Variants in KCNQ5 observed in about 807,000 individuals in gnomAD.
KCNQ5 encodes the protein potassium voltage-gated channel subfamily KQT member 5.
A neutral mutation model predicts 98.2 loss-of-function variants in KCNQ5; 30 were observed. That is an observed-to-expected ratio of 0.31 (90% confidence interval 0.23 to 0.41). KCNQ5 has a LOEUF of 0.41. Among genes scored for constraint, KCNQ5 ranks in the 10% least tolerant of loss-of-function variants. The pLI is 1.00. For synonymous variants in KCNQ5, 458 were observed against 449.4 expected (o/e 1.02, Z -0.24); for missense variants, 835 against 1,182.5 (o/e 0.71, Z 4.31).
chr6:72,837,421 G>A (rs1030387659), intron 1 of KCNQ5, among the ~76,000 whole-genome samples: 31 of 152,004 alleles, frequency 2.0e-4, no homozygotes. Flanking sequence ...TTAATTCTGA[G>A]CTCTTCATTG....
At chr6:73,123,136 A>C (rs985146229) in intron 8 of KCNQ5, among the ~76,000 whole-genome samples, 16 of 151,312 alleles carry the variant, frequency 1.1e-4, no homozygotes, top group African/African-American at 3.9e-4. Context: ...AAAAAAAAAA[A>C]AAAGTTAGAA....
chr6:73,069,026 AT>A (rs1773192676), intron 3 of KCNQ5, among the ~76,000 whole-genome samples: 1 of 152,116 alleles, frequency 6.6e-6, no homozygotes, highest in Admixed American at 6.6e-5. Flanking sequence ...TTGACAATTC[AT>A]TTTTTTAAAC....
intron 2 of KCNQ5, among the ~76,000 whole-genome samples, chr6:73,036,928 A>C (rs1771459801): frequency 6.6e-6 from 1 of 152,336 alleles, no homozygotes; most frequent in African/African-American, 2.4e-5. Context: ...GACCATGCTC[A>C]GAAGGACCAT....
intron 1 of KCNQ5, among the ~76,000 whole-genome samples, chr6:72,928,995 A>G (rs1213413838): frequency 1.3e-5 from 2 of 152,086 alleles, no homozygotes; most frequent in South Asian, 2.1e-4. Flanking sequence ...GCTAGCTCCA[A>G]TTCCTTAAGT....
intron 1 of KCNQ5, among the ~76,000 whole-genome samples, chr6:72,817,660 G>T (rs945036850): frequency 6.6e-6 from 1 of 152,100 alleles, no homozygotes; most frequent in Non-Finnish European, 1.5e-5. Context: ...TTGGGAGGCG[G>T]AGGTGGGTGG....
intron 3 of KCNQ5, among the ~76,000 whole-genome samples, chr6:73,064,126 AAC>A (rs1305015695): frequency 1.3e-5 from 2 of 152,324 alleles, no homozygotes; most frequent in Admixed American, 6.5e-5. Context: ...ACATCCGAGT[AAC>A]ACAGTCTATT....
intron 1 of KCNQ5, among the ~76,000 whole-genome samples, chr6:72,739,159 T>C (rs1294669643): frequency 6.6e-6 from 1 of 152,114 alleles, no homozygotes; most frequent in East Asian, 1.9e-4. Flanking sequence ...CCACCGGGTA[T>C]ATGGGAGCGC....
At chr6:72,876,624 C>G (rs1778418222) in intron 1 of KCNQ5, among the ~76,000 whole-genome samples, 1 of 152,080 alleles carries the variant, frequency 6.6e-6, no homozygotes, top group African/African-American at 2.4e-5. Context: ...AAGCAGATAG[C>G]ACAAGTTAAA....
intron 1 of KCNQ5, among the ~76,000 whole-genome samples, chr6:72,784,932 T>C (rs1290116780): frequency 6.6e-6 from 1 of 152,098 alleles, no homozygotes; most frequent in Admixed American, 6.5e-5. Flanking sequence ...CAAGCCCAAA[T>C]TATCACATAA....
chr6:72,851,826 TC>T (rs1414881925), intron 1 of KCNQ5, among the ~76,000 whole-genome samples: 1 of 152,188 alleles, frequency 6.6e-6, no homozygotes, highest in Non-Finnish European at 1.5e-5. Context: ...GAGTTGTTTT[TC>T]TTGAAAATAA....
intron 6 of KCNQ5, among the ~76,000 whole-genome samples, chr6:73,107,293 T>C (rs1349543713): frequency 2.6e-5 from 4 of 152,228 alleles, no homozygotes; most frequent in Non-Finnish European, 5.9e-5. Flanking sequence ...TGAGACCTAA[T>C]TCATAACCTA....
At chr6:73,168,574 G>A (rs964798797) in intron 10 of KCNQ5, among the ~76,000 whole-genome samples, 4 of 152,124 alleles carry the variant, frequency 2.6e-5, no homozygotes, top group African/African-American at 9.6e-5. Context: ...GTGGTGGTGC[G>A]GTCCTGTAAT....
chr6:72,855,656 C>G (rs549069201), intron 1 of KCNQ5, among the ~76,000 whole-genome samples: 10 of 152,144 alleles, frequency 6.6e-5, no homozygotes, highest in African/African-American at 2.4e-4. Context: ...TAATATTAGA[C>G]TTGGGGGAGA....
chr6:72,768,558 T>C (rs1772692880), intron 1 of KCNQ5, among the ~76,000 whole-genome samples: 1 of 151,974 alleles, frequency 6.6e-6, no homozygotes, highest in African/African-American at 2.4e-5. Context: ...TAGAGGATAA[T>C]TATTGAAGTC....
At chr6:73,107,305 T>A (rs1160038035) in intron 6 of KCNQ5, among the ~76,000 whole-genome samples, 1 of 152,218 alleles carries the variant, frequency 6.6e-6, no homozygotes, top group African/African-American at 2.4e-5. Flanking sequence ...CATAACCTAG[T>A]CTTCATTCAG....
intron 1 of KCNQ5, among the ~76,000 whole-genome samples, chr6:72,949,326 A>G (rs1349470594): frequency 2.6e-5 from 4 of 152,196 alleles, no homozygotes; most frequent in Admixed American, 2.6e-4. Flanking sequence ...TACATGTGGC[A>G]AATAGCATTT....
chr6:72,848,128 A>G (rs559867587), intron 1 of KCNQ5, among the ~76,000 whole-genome samples: 1 of 151,958 alleles, frequency 6.6e-6, no homozygotes. Flanking sequence ...TTTCCTAAGC[A>G]CTTGAAAGGC....
At position 72,733,958 on chromosome 6, in the gene KCNQ5, C is replaced by T. The variant is rs966585722; in HGVS notation, c.398+111371C>T. Among the ~76,000 whole-genome samples the T allele has an allele frequency of 5.3e-5, 8 of 151,840 alleles. No homozygotes were observed. The East Asian group carries it at 1.2e-3, about 22-fold the overall frequency. ...AGGTAGCTGAGAACAGTTTGATTTA[C>T]ACAGGGTTGAAGTTCTCCCAAATAG... On this transcript the variant is annotated intron_variant, in intron 1 of 13. Transcript: ENST00000370398.
At chr6:72,952,931 G>A (rs542122646) in intron 1 of KCNQ5, among the ~76,000 whole-genome samples, 9 of 152,166 alleles carry the variant, frequency 5.9e-5, no homozygotes, top group South Asian at 2.1e-4. Flanking sequence ...TACAAATTCC[G>A]GAAATAGAGA....
Sources: gnomAD v4.1 joint callset for allele counts (sites outside exome capture counted in the v4.1 genomes callset) on GRCh38, gnomAD v4.1.1 for gene constraint, MANE v1.5 for transcripts, NCBI Gene and HGNC (gene_info 2026-07-23, HGNC 2026-07-21) for gene names.